Variants in ZNF433 observed in about 807,000 individuals in gnomAD.
The protein encoded by ZNF433 is zinc finger protein 433.
In ZNF433, 12 loss-of-function variants were observed where a neutral mutation model predicts 10.6. The observed-to-expected ratio is 1.13, with a 90% CI of 0.72 to 1.83. The LOEUF (loss-of-function observed/expected upper bound fraction) is 1.83. Among genes scored for constraint, ZNF433 ranks in the 40% most tolerant of loss-of-function variants. ZNF433 has a pLI of 0.00. For missense variants in ZNF433, 737 were observed against 798.0 expected, an observed-to-expected ratio of 0.92 and a Z score of 0.92; for synonymous variants, 272 against 271.3, an observed-to-expected ratio of 1.00 and a Z score of -0.02.
rs373456273 is a variant in ZNF433 at position 12,015,595 on chromosome 19, A to G, written c.1263T>C (p.Cys421=). The change falls in exon 4 of 4, where the codon TGT becomes TGC. Residue 421 remains cysteine (C), a synonymous_variant. Transcript: ENST00000550507. ...ATCTGAAGGCTTTCCCACATTGCTT[A>G]CACTCGTAAGGTTTCTCTCCAGTGT... The part of the protein sequence containing the change: ...RTHTGEKPYE[C]KQCGKAFRSA... 10 of 1,613,250 alleles carry G rather than the reference A, an allele frequency of 6.2e-6. No individual in the cohort carries two copies. The highest frequency in any genetic ancestry group is 7.6e-6 in the Non-Finnish European group (9 of 1,179,800).
chr19:12,024,167 TTA>T (rs749933478), intron 1 of ZNF433: 2 of 152,220 alleles, frequency 1.3e-5, no homozygotes. Context: ...GTCTTCGTAA[TTA>T]AGAAAACATC....
rs552876271 is a variant in ZNF433, at chr19:12,031,880, TAAAA to T, written c.3+3653_3+3656del. Among the ~76,000 whole-genome samples the T allele has an allele frequency of 2.4e-5, 3 of 123,414 alleles. No individual in the cohort carries two copies. The East Asian group carries it at 6.9e-4, about 28-fold the overall frequency. The allele number at this position is 123,414 out of a possible 152,430, so 81.0% of individuals were successfully genotyped here. ...CAGCCTGGGTGACAGCAAGACCCTT[TAAAA>T]AAAAAAAAAAAAAGTCCTCCATCCT... On this transcript the variant is annotated intron_variant, in intron 1 of 3. Transcript: ENST00000550507.
chr19:12,016,101 A>ATT lies in ZNF433; in HGVS notation c.755_756dup (p.Cys253AsnfsTer416), dbSNP rs748260229. ...TGGAATGCTTTCCCACATTCATTAC[A>ATT]TTTATAAGGCTTCTCCCCAGTGTGA... On this transcript the variant is annotated frameshift_variant, in exon 4 of 4. Coordinates refer to ENST00000550507, the MANE Select transcript of ZNF433 (RefSeq NM_001308348.2). LOFTEE classifies it low-confidence loss of function (END_TRUNC). The ATT allele has an allele frequency of 8.7e-6, 14 of 1,614,154 alleles. No individual in the cohort carries two copies. Among genetic ancestry groups the ATT allele is most frequent in the Non-Finnish European group, 1.2e-5 (14 of 1,180,020 alleles).
chr19:12,035,141 G>T (rs918702114), intron 1 of ZNF433, among the ~76,000 whole-genome samples: 7 of 152,196 alleles, frequency 4.6e-5, no homozygotes, highest in Admixed American at 2.0e-4. Context: ...ACGTGTCTCA[G>T]TTTAATTTTT....
rs1396093720 is a variant in ZNF433 at position 12,016,268 on chromosome 19, C to T, written c.590G>A (p.Cys197Tyr). The stretch of plus-strand genomic sequence containing the variant: ...CATCAAGGCTTTCCCACAAAATTTA[C>T]ACTTATAAGGTCCATCTCCACGGTG... Reference protein sequence around the residue: ...IMHRGDGPYKCKFCGKALMFL... With the variant: ...IMHRGDGPYKYKFCGKALMFL... Residue 197 changes from cysteine (C) to tyrosine (Y), a missense_variant, in exon 4 of 4, where the codon TGT becomes TAT. Physicochemically the swap from Cys to Tyr is radical, Grantham distance 194 (BLOSUM62 -2). Transcript: ENST00000550507. 5 of 1,614,198 alleles carry T rather than the reference C, an allele frequency of 3.1e-6. No homozygotes were observed. The highest frequency in any genetic ancestry group is 2.5e-6 in the Non-Finnish European group (3 of 1,180,036).
chr19:12,031,151 C>T (rs1462814552), intron 1 of ZNF433, among the ~76,000 whole-genome samples: 1 of 151,950 alleles, frequency 6.6e-6, no homozygotes, highest in Admixed American at 6.6e-5. Flanking sequence ...CAAAAATTAG[C>T]TGGATGTGGT....
At chr19:12,018,044 A>G (rs1313272403) in intron 2 of ZNF433, 108 bp from the exon 3 acceptor site, 4 of 1,328,276 alleles carry the variant, frequency 3.0e-6, no homozygotes, top group Non-Finnish European at 3.1e-6. Flanking sequence ...TTATTTATCA[A>G]ATATTCCCTG....
chr19:12,019,215 G>GT (rs1441546573), intron 1 of ZNF433, among the ~76,000 whole-genome samples: 1 of 151,850 alleles, frequency 6.6e-6, no homozygotes, highest in African/African-American at 2.4e-5. Flanking sequence ...GAGGCCAGGA[G>GT]TTGGTGACCA....
intron 1 of ZNF433, chr19:12,026,586 A>G (rs909857035): frequency 2.4e-6 from 1 of 408,500 alleles, no homozygotes; most frequent in Admixed American, 2.7e-5. Flanking sequence ...ACAGTTACAC[A>G]TGCTTTCTGG....
At chr19:12,034,074 C>T (rs1302968259) in intron 1 of ZNF433, among the ~76,000 whole-genome samples, 1 of 152,098 alleles carries the variant, frequency 6.6e-6, no homozygotes, top group Admixed American at 6.5e-5. Flanking sequence ...GCCTATAGTA[C>T]TCTAAGATCT....
At position 12,018,203 on chromosome 19, in the gene ZNF433, A is replaced by G. The variant is rs370316807; in HGVS notation, c.93T>C (p.Asp31=). The change falls in exon 2 of 4, where the codon GAT becomes GAC. Residue 31 remains aspartate, a synonymous_variant. Transcript: ENST00000550507. The part of the protein sequence containing the change: ...LDPSQKNLCR[D]VMQETFRNLA... ...GGTTCCTGAAGGTTTCTTGCATCAC[A>G]TCTCTACAGAGATTTTTCTGGGAAG... The G allele has an allele frequency of 9.3e-6, 15 of 1,610,604 alleles. No individual in the cohort carries two copies. The highest frequency in any genetic ancestry group is 1.2e-5 in the Non-Finnish European group (14 of 1,178,800).
intron 3 of ZNF433, 33 bp downstream of exon 3, chr19:12,017,843 G>T: frequency 3.2e-6 from 4 of 1,262,604 alleles, no homozygotes; most frequent in South Asian, 1.3e-5. Flanking sequence ...ATTTTCTAGA[G>T]ACACACGTCT....
intron 1 of ZNF433, chr19:12,030,343 C>T: frequency 4.1e-6 from 1 of 246,544 alleles, no homozygotes; most frequent in Non-Finnish European, 8.1e-6. Context: ...ACCTCAGCCT[C>T]CTGAGTAGCT....
chr19:12,028,680 C>A (rs1974855548), intron 1 of ZNF433, among the ~76,000 whole-genome samples: 1 of 152,086 alleles, frequency 6.6e-6, no homozygotes, highest in African/African-American at 2.4e-5. Context: ...AGTTAATTTT[C>A]TTTTTAAAAA....
At chr19:12,022,099 C>G in intron 1 of ZNF433, 1 of 435,662 alleles carries the variant, frequency 2.3e-6, no homozygotes, top group Non-Finnish European at 4.7e-6. Flanking sequence ...TCGTGATGGC[C>G]ATGACACCCA....
At chr19:12,027,951 C>T (rs1974819410) in intron 1 of ZNF433, 1 of 152,196 alleles carries the variant, frequency 6.6e-6, no homozygotes, top group African/African-American at 2.4e-5. Flanking sequence ...TTCTACAAAC[C>T]ATGTACTAAC....
At position 12,016,618 on chromosome 19, in the gene ZNF433, T is replaced by A; in HGVS notation, c.240A>T (p.Gly80=). ...LFESKEGHQH[G]EILTQVPDDM... The stretch of plus-strand genomic sequence containing the variant: ...CATCTGGAACCTGGGTCAAAATTTC[T>A]CCATGCTGATGACCTTCTTTACTTT... The change falls in exon 4 of 4, where the codon GGA becomes GGT. Residue 80 remains glycine, a synonymous_variant. Coordinates refer to ENST00000550507, the MANE Select transcript of ZNF433 (RefSeq NM_001308348.2). The A allele has an allele frequency of 6.2e-7, 1 of 1,614,176 alleles. No homozygotes were observed. The highest frequency in any genetic ancestry group is 8.5e-7 in the Non-Finnish European group (1 of 1,180,026).
chr19:12,031,945 CTT>C (rs578040123), intron 1 of ZNF433, among the ~76,000 whole-genome samples: 2 of 107,538 alleles, frequency 1.9e-5, no homozygotes, highest in Non-Finnish European at 2.0e-5. Context: ...TTCTCTTTTT[CTT>C]TTTTTTTTTT....
chr19:12,027,108 A>C, intron 1 of ZNF433: 1 of 452,564 alleles, frequency 2.2e-6, no homozygotes, highest in Non-Finnish European at 4.4e-6. Context: ...TCCCAGGCAC[A>C]CCTGACCTTA....
Sources: gnomAD v4.1 joint callset for allele counts (sites outside exome capture counted in the v4.1 genomes callset) on GRCh38, gnomAD v4.1.1 for gene constraint, MANE v1.5 for transcripts, NCBI Gene and HGNC (gene_info 2026-07-23, HGNC 2026-07-21) for gene names.